KCNN3: variants seen among roughly 807,000 people sequenced by gnomAD.
The protein encoded by KCNN3 is potassium calcium-activated channel subfamily N member 3.
Under a neutral mutation model 62.9 loss-of-function variants are expected in KCNN3, and 16 were observed. The ratio of observed to expected loss-of-function variants is 0.25; its 90% CI spans 0.17 to 0.39. The LOEUF is 0.39. KCNN3 is among the 10% of genes least tolerant of loss of function. KCNN3 has a pLI of 1.00. For synonymous variants in KCNN3, 370 were observed against 389.2 expected (o/e 0.95, Z 0.58); for missense variants, 599 against 949.4 (o/e 0.63, Z 4.85).
chr1:154,705,978 G>T lies in KCNN3; in HGVS notation c.*1998C>A, dbSNP rs1699958947. ...GCACCATTCTTGGGACATGAAACAAGGAGGAGGGGAAACATTCAGATAATC... is the reference window on the plus strand; with the variant it reads ...GCACCATTCTTGGGACATGAAACAATGAGGAGGGGAAACATTCAGATAATC... On this transcript the variant is annotated 3_prime_UTR_variant, in exon 8 of 8. Transcript: ENST00000271915. The T allele has an allele frequency of 6.6e-6, 1 of 152,172 alleles. No individual in the cohort carries two copies. The highest frequency in any genetic ancestry group is 2.1e-4 in the South Asian group (1 of 4,828). 9.4% of individuals were successfully genotyped at this position (152,172 alleles called of 1,614,324 possible). A position where few individuals can be genotyped will look rare whatever the true frequency, so the allele number is the denominator to read the frequency against.
chr1:154,728,765 AG>A (rs1416320166), intron 4 of KCNN3, among the ~76,000 whole-genome samples: 1 of 152,096 alleles, frequency 6.6e-6, no homozygotes, highest in Non-Finnish European at 1.5e-5. Context: ...GCAAGGGTCA[AG>A]GGGGGAAAGA....
rs1699999954 is a variant in KCNN3 at position 154,708,121 on chromosome 1, T to TGCTGGC, written c.2045_2050dup (p.Arg682_Gln683dup). On this transcript the variant is annotated inframe_insertion, in exon 8 of 8. Transcript: ENST00000271915. ...GATGGCAGACAGGAGCTGCTGCTGC[T>TGCTGGC]GCTGGCGCAGGGTGTCGGCGATGAG... 1.2e-6 allele frequency: 2 copies of TGCTGGC among 1,613,750 alleles called. No individual in the cohort carries two copies. Among genetic ancestry groups the TGCTGGC allele is most frequent in the Non-Finnish European group, 1.7e-6 (2 of 1,180,024 alleles).
chr1:154,718,564 A>G (rs1700279601), intron 5 of KCNN3, among the ~76,000 whole-genome samples: 2 of 152,232 alleles, frequency 1.3e-5, no homozygotes, highest in South Asian at 4.1e-4. Flanking sequence ...TTGTTCATAC[A>G]TTTGAGGAAC....
chr1:154,760,677 C>G (rs983046739), intron 3 of KCNN3, among the ~76,000 whole-genome samples: 2 of 152,226 alleles, frequency 1.3e-5, no homozygotes, highest in Non-Finnish European at 2.9e-5. Flanking sequence ...CACCCGCGGA[C>G]TCGCGGCCTC....
At chr1:154,814,557 A>G (rs763640689) in intron 2 of KCNN3, among the ~76,000 whole-genome samples, 5 of 152,218 alleles carry the variant, frequency 3.3e-5, no homozygotes, top group Non-Finnish European at 7.3e-5. Context: ...CTGGAGGAGG[A>G]AATATCTATG....
At chr1:154,769,324 G>C (rs1287717353) in intron 3 of KCNN3, among the ~76,000 whole-genome samples, 1 of 152,128 alleles carries the variant, frequency 6.6e-6, no homozygotes, top group Admixed American at 6.5e-5. Context: ...TAAGTCTTTG[G>C]TCAAATGGCC....
chr1:154,794,629 G>C (rs1649649012), intron 2 of KCNN3, among the ~76,000 whole-genome samples: 1 of 152,134 alleles, frequency 6.6e-6, no homozygotes, highest in African/African-American at 2.4e-5. Flanking sequence ...CAGCTGTCTT[G>C]AGGCCCACAA....
intron 2 of KCNN3, among the ~76,000 whole-genome samples, chr1:154,785,743 G>C (rs112818818): frequency 0.056 from 8,476 of 151,772 alleles, 277 homozygotes; most frequent in Non-Finnish European, 0.08. Context: ...ACCACGAGTA[G>C]CTGTGCACCA....
chr1:154,839,270 A>G (rs566367144), intron 1 of KCNN3, among the ~76,000 whole-genome samples: 1 of 152,212 alleles, frequency 6.6e-6, no homozygotes, highest in African/African-American at 2.4e-5. Context: ...CTCCACCCCC[A>G]TCACTGCTCC....
chr1:154,790,886 G>A (rs932404318), intron 2 of KCNN3, among the ~76,000 whole-genome samples: 4 of 152,178 alleles, frequency 2.6e-5, no homozygotes, highest in African/African-American at 9.7e-5. Context: ...GAGATTGTTT[G>A]CACATCAATA....
At position 154,726,031 on chromosome 1, in the gene KCNN3, G is replaced by C. The variant is rs757809082; in HGVS notation, c.1591-5C>G. 6.2e-7 allele frequency: 1 copy of C among 1,607,918 alleles called. No individual in the cohort carries two copies. Among genetic ancestry groups the C allele is most frequent in the Non-Finnish European group, 8.5e-7 (1 of 1,174,926 alleles). Reference sequence around the variant, plus strand: ...AAGGGCAGTGCAGCCTGCACCCTGCGGGGGGACATCAAGAGGACCAGAGGG... The same window carrying C: ...AAGGGCAGTGCAGCCTGCACCCTGCCGGGGGACATCAAGAGGACCAGAGGG... On this transcript the variant is annotated splice_region_variant and splice_polypyrimidine_tract_variant and intron_variant, in intron 4 of 7. Transcript: ENST00000271915.
chr1:154,713,629 T>G, intron 6 of KCNN3, 96 bp from the exon 7 acceptor site: 1 of 1,000,432 alleles, frequency 1.0e-6, no homozygotes, highest in African/African-American at 1.6e-5. Flanking sequence ...CCTCTGATTT[T>G]GGAACCCAGC....
At chr1:154,800,719 C>T (rs141246575) in intron 2 of KCNN3, among the ~76,000 whole-genome samples, 2 of 152,218 alleles carry the variant, frequency 1.3e-5, no homozygotes, top group African/African-American at 2.4e-5. Context: ...CAGGCTTCAC[C>T]GGGAGATGCC....
At chr1:154,730,172 T>C (rs778988075) in intron 4 of KCNN3, among the ~76,000 whole-genome samples, 1 of 152,242 alleles carries the variant, frequency 6.6e-6, no homozygotes, top group Non-Finnish European at 1.5e-5. Flanking sequence ...AAAATCCTTA[T>C]GGAAAGATGC....
rs148205598 is a variant in KCNN3, at chr1:154,865,155, A to G, written c.933+3877T>C. On this transcript the variant is annotated intron_variant, in intron 1 of 7. Coordinates refer to ENST00000271915, the MANE Select transcript of KCNN3 (RefSeq NM_002249.6). ...ACCCAGGGAAGAGAGCATACAGGTA[A>G]TTTAATGCAATGGAGTGGGTGTGCC... 5.3e-5 allele frequency among the ~76,000 whole-genome samples: 8 copies of G among 152,166 alleles called. No homozygotes were observed. In the East Asian group the frequency reaches 1.5e-3, roughly 29 times the overall value.
At chr1:154,826,137 TG>T (rs1404178997) in intron 1 of KCNN3, among the ~76,000 whole-genome samples, 13 of 149,780 alleles carry the variant, frequency 8.7e-5, no homozygotes, top group African/African-American at 3.2e-4. Flanking sequence ...ACATGGAGAA[TG>T]GTTGATGATA....
intron 2 of KCNN3, among the ~76,000 whole-genome samples, chr1:154,790,641 C>T (rs1649474691): frequency 6.6e-6 from 1 of 152,176 alleles, no homozygotes; most frequent in South Asian, 2.1e-4. Context: ...ATACCACTAG[C>T]CCAGGAAAAG....
At chr1:154,714,272 G>GTGGTGTGTCTGGT in intron 6 of KCNN3, among the ~76,000 whole-genome samples, 1 of 51,352 alleles carries the variant, frequency 1.9e-5, no homozygotes, top group African/African-American at 8.1e-5. Context: ...TGTGGTATGT[G>GTGGTGTGTCTGGT]GTGTGTGTGG....
rs1652804613 is a variant in KCNN3 at position 154,862,437 on chromosome 1, G to A, written c.933+6595C>T. Among the ~76,000 whole-genome samples the A allele has an allele frequency of 6.6e-6, 1 of 152,154 alleles. No homozygotes were observed. Among genetic ancestry groups the A allele is most frequent in the African/African-American group, 2.4e-5 (1 of 41,446 alleles). On this transcript the variant is annotated intron_variant, in intron 1 of 7. Coordinates refer to ENST00000271915, the MANE Select transcript of KCNN3 (RefSeq NM_002249.6). The surrounding 1 kb of genome is among the most constrained non-coding windows in gnomAD (Gnocchi z 4.1). Reference sequence around the variant, plus strand: ...AGGCAGCCTAAGAGAAGAGCAAGGTGGAGGTGAGGGGTGAGAGAGTTATGT... The same window carrying A: ...AGGCAGCCTAAGAGAAGAGCAAGGTAGAGGTGAGGGGTGAGAGAGTTATGT...
Sources: gnomAD v4.1 joint callset for allele counts (sites outside exome capture counted in the v4.1 genomes callset) on GRCh38, gnomAD v4.1.1 for gene constraint, Gnocchi (gnomAD v3.1) non-coding constraint, MANE v1.5 for transcripts, NCBI Gene and HGNC (gene_info 2026-07-23, HGNC 2026-07-21) for gene names.